CYP19A1: variants seen among roughly 807,000 people sequenced by gnomAD.
CYP19A1 encodes the protein aromatase.
CYP19A1 carries 32 observed loss-of-function variants against 44.4 expected under a neutral mutation model. The ratio of observed to expected loss-of-function variants is 0.72; its 90% CI spans 0.54 to 0.97. The LOEUF is 0.97. Among genes scored for constraint, CYP19A1 ranks in the 50% least tolerant of loss-of-function variants. The pLI is 0.00. For synonymous variants in CYP19A1, 212 were observed against 215.6 expected, an observed-to-expected ratio of 0.98 and a Z score of 0.14; for missense variants, 598 against 637.8, an observed-to-expected ratio of 0.94 and a Z score of 0.67.
At chr15:51,271,195 C>T (rs1353159336) in intron 1 of CYP19A1, among the ~76,000 whole-genome samples, 1 of 152,086 alleles carries the variant, frequency 6.6e-6, no homozygotes, top group Non-Finnish European at 1.5e-5. Context: ...CTTAATCACC[C>T]AGGTCATACA....
chr15:51,279,438 C>T (rs2035438915), intron 1 of CYP19A1, among the ~76,000 whole-genome samples: 1 of 152,144 alleles, frequency 6.6e-6, no homozygotes, highest in African/African-American at 2.4e-5. Flanking sequence ...TCTCCATCTA[C>T]AAAGTAGGTG....
At chr15:51,241,410 C>G (rs146860144) in intron 2 of CYP19A1, among the ~76,000 whole-genome samples, 32 of 152,190 alleles carry the variant, frequency 2.1e-4, no homozygotes, top group African/African-American at 7.5e-4. Context: ...AGCTTGAGAA[C>G]CTGTGGCTCA....
intron 1 of CYP19A1, among the ~76,000 whole-genome samples, chr15:51,294,796 C>T (rs531188735): frequency 2.4e-4 from 36 of 152,096 alleles, no homozygotes; most frequent in Admixed American, 2.2e-3. Context: ...CCCCTCTGCC[C>T]GGCCACCACC....
chr15:51,222,819 T>C (rs942568015), intron 4 of CYP19A1, among the ~76,000 whole-genome samples: 1 of 152,212 alleles, frequency 6.6e-6, no homozygotes, highest in South Asian at 2.1e-4. Flanking sequence ...ATTTATGAGA[T>C]TGCAAATGAA....
intron 1 of CYP19A1, among the ~76,000 whole-genome samples, chr15:51,282,272 A>G (rs899361242): frequency 4.6e-5 from 7 of 152,308 alleles, no homozygotes; most frequent in South Asian, 2.1e-4. Context: ...TGGGAAAAAA[A>G]GCTGAGGCAG....
intron 1 of CYP19A1, among the ~76,000 whole-genome samples, chr15:51,251,264 A>G (rs2034297348): frequency 6.6e-6 from 1 of 152,114 alleles, no homozygotes; most frequent in Admixed American, 6.5e-5. Context: ...CCAAGTGGAT[A>G]CACAATCCTT....
chr15:51,309,347 A>T (rs1336359130), intron 1 of CYP19A1, among the ~76,000 whole-genome samples: 1 of 152,218 alleles, frequency 6.6e-6, no homozygotes, highest in Non-Finnish European at 1.5e-5. Context: ...TGGTTAAGCT[A>T]CCCGGTCTAT....
chr15:51,322,072 A>T (rs900316947), intron 1 of CYP19A1: 20 of 152,246 alleles, frequency 1.3e-4, no homozygotes, highest in African/African-American at 4.6e-4. Flanking sequence ...CCACATCAGC[A>T]TCTGGTGTGG....
chr15:51,213,995 C>A (rs2031306211), intron 8 of CYP19A1, among the ~76,000 whole-genome samples: 1 of 152,164 alleles, frequency 6.6e-6, no homozygotes, highest in South Asian at 2.1e-4. Flanking sequence ...GGAAACTTCC[C>A]ACCTGTGTGA....
chr15:51,215,846 T>A (rs1245668170), intron 6 of CYP19A1, 29 bp from the exon 7 acceptor site: 1 of 1,612,038 alleles, frequency 6.2e-7, no homozygotes, highest in Non-Finnish European at 8.5e-7. Flanking sequence ...TATTGTCTAT[T>A]TTTACTCAGT....
Position 51,242,877 on chromosome 15 carries a change from G to T in CYP19A1, c.36C>A (p.Asn12Lys). The T allele has an allele frequency of 6.2e-7, 1 of 1,609,490 alleles. No individual in the cohort carries two copies. Among genetic ancestry groups the T allele is most frequent in the South Asian group, 1.1e-5 (1 of 90,956 alleles). ...TGGCTTCAGGCACGATGCTGGTGATGTTATAATGTATCGGGTTCAGCATTT... is the reference window on the plus strand; with the variant it reads ...TGGCTTCAGGCACGATGCTGGTGATTTTATAATGTATCGGGTTCAGCATTT... Reference protein sequence around the residue: ...VLEMLNPIHYNITSIVPEAMP... With the variant: ...VLEMLNPIHYKITSIVPEAMP... The change falls in exon 2 of 10, where the codon AAC becomes AAA. Residue 12 changes from asparagine (N) to lysine (K), a missense_variant. Coordinates refer to ENST00000396402, the MANE Select transcript of CYP19A1 (RefSeq NM_000103.4).
At chr15:51,299,543 G>A (rs2140999579) in intron 1 of CYP19A1, among the ~76,000 whole-genome samples, 1 of 152,272 alleles carries the variant, frequency 6.6e-6, no homozygotes. Context: ...TGTGATCAGG[G>A]CTGCTTTGCC....
intron 1 of CYP19A1, among the ~76,000 whole-genome samples, chr15:51,326,421 A>T (rs1595787179): frequency 1.3e-5 from 2 of 152,246 alleles, no homozygotes; most frequent in African/African-American, 4.8e-5. Flanking sequence ...CCCAACACAG[A>T]TCTTACAGTT....
intron 1 of CYP19A1, among the ~76,000 whole-genome samples, chr15:51,304,705 G>C (rs1315407470): frequency 1.3e-5 from 2 of 152,168 alleles, no homozygotes; most frequent in Non-Finnish European, 2.9e-5. Flanking sequence ...CCTAAGTCAT[G>C]AAATTCCCAG....
intron 1 of CYP19A1, chr15:51,320,192 T>G (rs1566925275): frequency 6.6e-6 from 1 of 152,270 alleles, no homozygotes; most frequent in Admixed American, 6.5e-5. Context: ...AGCTGCATCA[T>G]GTGCATACTG....
intron 2 of CYP19A1, among the ~76,000 whole-genome samples, chr15:51,238,924 A>C (rs2033580564): frequency 6.6e-6 from 1 of 152,230 alleles, no homozygotes; most frequent in South Asian, 2.1e-4. Flanking sequence ...GGTCCCCATC[A>C]GAGTCTAGGG....
Position 51,210,197 on chromosome 15 carries a change from A to T in CYP19A1, c.*611T>A, listed in dbSNP as rs1243724542. On this transcript the variant is annotated 3_prime_UTR_variant, in exon 10 of 10. Coordinates refer to ENST00000396402, the MANE Select transcript of CYP19A1 (RefSeq NM_000103.4). ...ACAGACTGGGAAAGAATTTCCTCTG[A>T]TTAAACTTTTGCCACAGACAGATCA... 1 of 365,526 alleles carries T rather than the reference A, an allele frequency of 2.7e-6. No individual in the cohort carries two copies. The highest frequency in any genetic ancestry group is 2.1e-5 in the South Asian group (1 of 48,660). 22.6% of individuals were successfully genotyped at this position (365,526 alleles called of 1,614,324 possible). A position where few individuals can be genotyped will look rare whatever the true frequency, so the allele number is the denominator to read the frequency against.
intron 9 of CYP19A1, among the ~76,000 whole-genome samples, chr15:51,211,874 A>G (rs553216347): frequency 6.6e-6 from 1 of 152,342 alleles, no homozygotes; most frequent in South Asian, 2.1e-4. Flanking sequence ...CCATTTGATG[A>G]GCCAAAGGCA....
At chr15:51,289,449 A>C (rs1352097512) in intron 1 of CYP19A1, among the ~76,000 whole-genome samples, 1 of 151,714 alleles carries the variant, frequency 6.6e-6, no homozygotes, top group Admixed American at 6.6e-5. Context: ...CCAGACCCAC[A>C]CTCTCACCCA....
Sources: gnomAD v4.1 joint callset for allele counts (sites outside exome capture counted in the v4.1 genomes callset) on GRCh38, gnomAD v4.1.1 for gene constraint, MANE v1.5 for transcripts, NCBI Gene and HGNC (gene_info 2026-07-23, HGNC 2026-07-21) for gene names.